RNF212B: variants seen among roughly 807,000 people sequenced by gnomAD.
The protein encoded by RNF212B is ring finger protein 212B.
In RNF212B, 52 loss-of-function variants were observed where a neutral mutation model predicts 55.5. That is an observed-to-expected ratio of 0.94 (90% CI 0.75 to 1.18). The LOEUF is 1.18. RNF212B is among the 50% of genes most tolerant of loss of function. The probability of loss-of-function intolerance (pLI) is 0.00; values close to 1 mark genes in which losing one functional copy is unlikely to be tolerated. For synonymous variants in RNF212B, 99 were observed against 121.4 expected (o/e 0.82, Z 1.21); for missense variants, 289 against 350.4 (o/e 0.82, Z 1.40).
intron 2 of RNF212B, among the ~76,000 whole-genome samples, chr14:23,214,361 G>T (rs1261981560): frequency 1.3e-5 from 2 of 152,040 alleles, no homozygotes; most frequent in Non-Finnish European, 2.9e-5. Flanking sequence ...GGGCATGGTG[G>T]TACATGCCTG....
At chr14:23,209,387 C>T (rs937686204) in intron 2 of RNF212B, among the ~76,000 whole-genome samples, 44 of 152,184 alleles carry the variant, frequency 2.9e-4, no homozygotes, top group African/African-American at 1.1e-3. Context: ...GTTTCAGCCT[C>T]ATTTTACCCA....
In RNF212B at chr14:23,273,464, T is replaced by G. The variant is rs1004067718; in HGVS notation, c.*573T>G. On this transcript the variant is annotated 3_prime_UTR_variant, in exon 15 of 15. Transcript: ENST00000430154. ...AGATAGTAAAATAAAGACGATGCCC[T>G]TTTATTGCTACAATTCTATCACTTT... 2 of 152,258 alleles carry G rather than the reference T, an allele frequency of 1.3e-5. No individual in the cohort carries two copies. Among genetic ancestry groups the G allele is most frequent in the Admixed American group, 1.3e-4 (2 of 15,286 alleles). 9.4% of individuals were successfully genotyped at this position (152,258 alleles called of 1,614,324 possible). A position where few individuals can be genotyped will look rare whatever the true frequency, so the allele number is the denominator to read the frequency against.
chr14:23,186,401 G>C (rs1472784177), intron 1 of RNF212B, among the ~76,000 whole-genome samples: 3 of 151,362 alleles, frequency 2.0e-5, no homozygotes, highest in Admixed American at 6.6e-5. Context: ...GGACTGCAGT[G>C]GTGCGATCTC....
At position 23,266,752 on chromosome 14, in the gene RNF212B, A is replaced by G. The variant is rs147309044; in HGVS notation, c.634+2081A>G. ...AAATTTATGACCTAACATGTGGTCT[A>G]TCCTGGAGAATGCTCCATGTGTATG... is the stretch of plus-strand genomic sequence containing the variant. On this transcript the variant is annotated intron_variant, in intron 11 of 14. Coordinates refer to ENST00000430154, the MANE Select transcript of RNF212B (RefSeq NM_001282322.3). Among the ~76,000 whole-genome samples, 6 of 152,326 alleles carry G rather than the reference A, an allele frequency of 3.9e-5. No homozygotes were observed. In the East Asian group the frequency reaches 9.7e-4, roughly 25 times the overall value.
rs546280977 is a variant in RNF212B, at chr14:23,211,286, A to G, written c.-2+17885A>G. Among the ~76,000 whole-genome samples, 21 of 151,162 alleles carry G rather than the reference A, an allele frequency of 1.4e-4. No individual in the cohort carries two copies. The South Asian group carries it at 4.4e-3, about 31-fold the overall frequency. On this transcript the variant is annotated intron_variant, in intron 2 of 15. Transcript: ENST00000399910. ...TAAAAATGGACGAACTCCTTGAAAG[A>G]CATAAACTACTAAAACACAGGCAAG...
At chr14:23,233,260 C>G (rs185039312), upstream of RNF212B, among the ~76,000 whole-genome samples, 193 of 152,290 alleles carry the variant, frequency 1.3e-3, no homozygotes, top group Middle Eastern at 3.4e-3. Flanking sequence ...CCCAGCGACA[C>G]AAACACTGCG....
intron 2 of RNF212B, among the ~76,000 whole-genome samples, chr14:23,219,673 T>C (rs1881391841): frequency 6.6e-6 from 1 of 151,962 alleles, no homozygotes; most frequent in South Asian, 2.1e-4. Flanking sequence ...GGTTTCACCA[T>C]GTTGGTCAGG....
chr14:23,212,985 T>C (rs1880677862), intron 2 of RNF212B, among the ~76,000 whole-genome samples: 1 of 152,048 alleles, frequency 6.6e-6, no homozygotes, highest in African/African-American at 2.4e-5. Flanking sequence ...TAGGGATAAA[T>C]CTGATAAAAC....
chr14:23,231,460 C>T (rs551905895), intron 2 of RNF212B, among the ~76,000 whole-genome samples: 1 of 152,308 alleles, frequency 6.6e-6, no homozygotes, highest in South Asian at 2.1e-4. Context: ...CCATACCTCA[C>T]ACCATGTAGA....
At chr14:23,217,657 A>G (rs1286730654) in intron 2 of RNF212B, among the ~76,000 whole-genome samples, 5 of 152,114 alleles carry the variant, frequency 3.3e-5, no homozygotes, top group Non-Finnish European at 7.4e-5. Flanking sequence ...CTTCCAGATC[A>G]CATCCAAGAC....
chr14:23,240,261 C>A (rs1422145166), intron 1 of RNF212B, 84 bp from the exon 2 acceptor site: 6 of 886,168 alleles, frequency 6.8e-6, no homozygotes, highest in African/African-American at 6.7e-5. Flanking sequence ...AGAAGCTAAG[C>A]AAGCACGGTT....
At chr14:23,252,199 T>C (rs1253527293) in intron 4 of RNF212B, among the ~76,000 whole-genome samples, 2 of 152,022 alleles carry the variant, frequency 1.3e-5, no homozygotes, top group Non-Finnish European at 2.9e-5. Flanking sequence ...AAGAGTCACC[T>C]CATTAGCACA....
At chr14:23,190,606 C>T (rs1028793880) in intron 1 of RNF212B, among the ~76,000 whole-genome samples, 5 of 152,184 alleles carry the variant, frequency 3.3e-5, no homozygotes, top group South Asian at 2.1e-4. Flanking sequence ...GGTTCATCAC[C>T]GCTTCACCAT....
chr14:23,205,125 ATTCT>A (rs1375986663), intron 2 of RNF212B, among the ~76,000 whole-genome samples: 3 of 151,948 alleles, frequency 2.0e-5, no homozygotes, highest in African/African-American at 7.2e-5. Flanking sequence ...ACTATAAAAG[ATTCT>A]TTCTCATATA....
intron 4 of RNF212B, among the ~76,000 whole-genome samples, chr14:23,244,655 G>C (rs561008649): frequency 6.6e-6 from 1 of 152,084 alleles, no homozygotes; most frequent in African/African-American, 2.4e-5. Flanking sequence ...TAATTTCTAC[G>C]ACTAAAGGTT....
intron 2 of RNF212B, among the ~76,000 whole-genome samples, chr14:23,220,165 C>T (rs1881431505): frequency 6.6e-6 from 1 of 151,462 alleles, no homozygotes; most frequent in Non-Finnish European, 1.5e-5. Context: ...GCCTGGGCAA[C>T]AAGAGCAAAA....
chr14:23,217,038 CAAG>C (rs1216315521), intron 2 of RNF212B, among the ~76,000 whole-genome samples: 1 of 151,996 alleles, frequency 6.6e-6, no homozygotes, highest in East Asian at 1.9e-4. Context: ...GGTAAAGCAA[CAAG>C]AAGGTTCCCG....
intron 4 of RNF212B, among the ~76,000 whole-genome samples, chr14:23,254,551 C>G (rs550014336): frequency 6.6e-6 from 1 of 152,158 alleles, no homozygotes; most frequent in South Asian, 2.1e-4. Flanking sequence ...GCATATATTA[C>G]TTTTTTGTAT....
At chr14:23,201,709 C>T (rs1879304411) in intron 2 of RNF212B, among the ~76,000 whole-genome samples, 1 of 152,092 alleles carries the variant, frequency 6.6e-6, no homozygotes, top group African/African-American at 2.4e-5. Context: ...CTTGATATTA[C>T]AAAATAGGAT....
Sources: allele counts gnomAD v4.1 joint callset (sites outside exome capture counted in the v4.1 genomes callset), GRCh38; gene constraint gnomAD v4.1.1; transcripts MANE v1.5; gene names NCBI Gene and HGNC (gene_info 2026-07-23, HGNC 2026-07-21).